TXNRD2: variants seen among roughly 807,000 people sequenced by gnomAD.
The protein encoded by TXNRD2 is thioredoxin reductase 2, mitochondrial.
In TXNRD2, 67 loss-of-function variants were observed where a neutral mutation model predicts 70.8. That is an observed-to-expected ratio of 0.95 (90% CI 0.78 to 1.16). TXNRD2 has a LOEUF of 1.16. TXNRD2 is among the 50% of genes most tolerant of loss of function. The pLI, the probability that TXNRD2 is intolerant of heterozygous loss-of-function variation, is 0.00. For synonymous variants in TXNRD2, 301 were observed against 295.8 expected (o/e 1.02, Z -0.18); for missense variants, 644 against 719.9 (o/e 0.89, Z 1.21).
intron 12 of TXNRD2, among the ~76,000 whole-genome samples, chr22:19,883,101 T>C (rs541366226): frequency 4.4e-4 from 67 of 152,344 alleles, no homozygotes; most frequent in African/African-American, 1.5e-3. Context: ...CTTTAGACCA[T>C]CCACACTCCC....
intron 2 of TXNRD2, among the ~76,000 whole-genome samples, chr22:19,923,891 T>G (rs1361882177): frequency 2.9e-5 from 4 of 138,684 alleles, no homozygotes; most frequent in African/African-American, 8.1e-5. Flanking sequence ...TTCTGACTGG[T>G]ACAACTGCAG....
intron 10 of TXNRD2, 74 bp from the exon 11 acceptor site, chr22:19,895,655 C>A: frequency 1.3e-6 from 2 of 1,565,168 alleles, no homozygotes; most frequent in Non-Finnish European, 1.7e-6. Context: ...GCCCTGCTCT[C>A]GAAGGCCTCA....
intron 8 of TXNRD2, 71 bp from the exon 9 acceptor site, chr22:19,899,139 AC>A (rs1601416225): frequency 1.3e-6 from 2 of 1,596,290 alleles, no homozygotes; most frequent in East Asian, 4.5e-5. Context: ...TCAGAGCAGA[AC>A]CCCGCAGCCT....
intron 11 of TXNRD2, chr22:19,894,494 G>C (rs947406101): frequency 1.3e-5 from 2 of 153,048 alleles, no homozygotes; most frequent in African/African-American, 4.8e-5. Context: ...GCTGGGCACA[G>C]TAGCTCAAAC....
At chr22:19,895,358 G>T (rs765692005) in intron 11 of TXNRD2, 49 bp downstream of exon 11, 2 of 1,611,622 alleles carry the variant, frequency 1.2e-6, no homozygotes, top group East Asian at 4.5e-5. Context: ...GATTCTCCAT[G>T]CACCTCGGGG....
At chr22:19,915,305 C>CA (rs751833001) in intron 6 of TXNRD2, 29 bp from the exon 7 acceptor site, 53 of 1,606,870 alleles carry the variant, frequency 3.3e-5, no homozygotes, top group Non-Finnish European at 4.3e-5. Context: ...AGCCGTGGGT[C>CA]AGACAGGTGC....
At chr22:19,878,711 G>A (rs1457171424) in intron 14 of TXNRD2, among the ~76,000 whole-genome samples, 1 of 152,254 alleles carries the variant, frequency 6.6e-6, no homozygotes, top group African/African-American at 2.4e-5. Context: ...CACAGCAGCA[G>A]AGCAGGCATC....
At chr22:19,925,219 G>A (rs1941089837) in intron 2 of TXNRD2, among the ~76,000 whole-genome samples, 1 of 151,904 alleles carries the variant, frequency 6.6e-6, no homozygotes, top group South Asian at 2.1e-4. Flanking sequence ...GGGAGGCAGA[G>A]CTTGCAGTGA....
At chr22:19,883,245 C>T (rs746714996) in intron 12 of TXNRD2, 80 bp downstream of exon 12, 467 of 1,552,224 alleles carry the variant, frequency 3.0e-4, no homozygotes, top group South Asian at 4.1e-4. Context: ...TCCTACAGGA[C>T]GGCAGCAGCC....
intron 11 of TXNRD2, among the ~76,000 whole-genome samples, chr22:19,889,795 A>G (rs995186785): frequency 6.6e-6 from 1 of 152,082 alleles, no homozygotes; most frequent in Non-Finnish European, 1.5e-5. Flanking sequence ...TTGTTAACAT[A>G]ATTGCAATTG....
intron 10 of TXNRD2, among the ~76,000 whole-genome samples, chr22:19,897,134 C>T (rs732262): frequency 0.11 from 16,657 of 152,154 alleles, 1,002 homozygotes; most frequent in East Asian, 0.18. Context: ...CACTGAGGGA[C>T]ATGATGGGAG....
intron 1 of TXNRD2, 73 bp downstream of exon 1, chr22:19,941,628 C>T (rs1941718885): frequency 7.3e-7 from 1 of 1,368,814 alleles, no homozygotes; most frequent in Non-Finnish European, 9.3e-7. Context: ...TGGCCACCGC[C>T]GCGCGGACAC....
At chr22:19,909,798 TCACA>T (rs1220804913) in intron 8 of TXNRD2, among the ~76,000 whole-genome samples, 1 of 31,146 alleles carries the variant, frequency 3.2e-5, no homozygotes, top group Non-Finnish European at 6.0e-5. Flanking sequence ...CACACACCAC[TCACA>T]CACACCACTC....
intron 7 of TXNRD2, among the ~76,000 whole-genome samples, chr22:19,912,687 C>T (rs1940466006): frequency 1.3e-5 from 2 of 152,250 alleles, no homozygotes; most frequent in African/African-American, 4.8e-5. Context: ...ACAGTGTCAT[C>T]CTACAAAGTC....
chr22:19,898,967 G>A (rs561084546), intron 9 of TXNRD2, 82 bp downstream of exon 9: 10 of 1,565,306 alleles, frequency 6.4e-6, no homozygotes, highest in Middle Eastern at 1.7e-4. Context: ...AGAGCCTGCC[G>A]GAAGGGCGGG....
At chr22:19,925,732 T>C (rs1009595306) in intron 2 of TXNRD2, among the ~76,000 whole-genome samples, 1 of 151,890 alleles carries the variant, frequency 6.6e-6, no homozygotes, top group Non-Finnish European at 1.5e-5. Context: ...TATAAAATGC[T>C]TAGAAGAAAA....
At position 19,919,413 on chromosome 22, in the gene TXNRD2, C is replaced by T. The variant is rs1474538769; in HGVS notation, c.229+130G>A. 1.1e-5 allele frequency: 9 copies of T among 847,766 alleles called. No homozygotes were observed. The African/African-American group carries it at 1.3e-4, about 13-fold the overall frequency. The allele number at this position is 847,766 out of a possible 1,614,324, so 52.5% of individuals were successfully genotyped here. ...AACTTTAAAGTAATGATGAGTGAAA[C>T]AGGACACTGTCCAGAAACCATGGAC... is the stretch of plus-strand genomic sequence containing the variant. On this transcript the variant is annotated intron_variant, in intron 3 of 17. Transcript: ENST00000400521.
chr22:19,932,509 AG>A, intron 1 of TXNRD2: 1 of 1,572,872 alleles, frequency 6.4e-7, no homozygotes, highest in Non-Finnish European at 8.6e-7. Context: ...GACTGGAGGG[AG>A]GAAGTAGAGA....
At chr22:19,916,272 G>A (rs1940634692) in intron 5 of TXNRD2, 1 of 226,560 alleles carries the variant, frequency 4.4e-6, no homozygotes, top group Admixed American at 5.2e-5. Context: ...GGCATGACAA[G>A]GCTGGCAAAA....
Sources: gnomAD v4.1 joint callset for allele counts (sites outside exome capture counted in the v4.1 genomes callset) on GRCh38, gnomAD v4.1.1 for gene constraint, MANE v1.5 for transcripts, NCBI Gene and HGNC (gene_info 2026-07-23, HGNC 2026-07-21) for gene names.